The following TRAPPC9 variants were observed in gnomAD, a reference collection of about 807,000 sequenced individuals.
TRAPPC9 encodes trafficking protein particle complex subunit 9.
In TRAPPC9, 83 loss-of-function variants were observed where a neutral mutation model predicts 124.0. That is an observed-to-expected ratio of 0.67 (90% CI 0.56 to 0.80). TRAPPC9 has a LOEUF of 0.80. TRAPPC9 is among the 30% of genes least tolerant of loss of function. The pLI, the probability that TRAPPC9 is intolerant of heterozygous loss-of-function variation, is 0.00. For synonymous variants in TRAPPC9, 638 were observed against 617.5 expected, an observed-to-expected ratio of 1.03 and a Z score of -0.49; for missense variants, 1,302 against 1,508.3, an observed-to-expected ratio of 0.86 and a Z score of 2.27.
intron 5 of TRAPPC9, among the ~76,000 whole-genome samples, chr8:140,422,009 C>T (rs1353111695): frequency 3.8e-5 from 3 of 78,516 alleles, no homozygotes; most frequent in East Asian, 3.6e-4. Flanking sequence ...AAAAAAAAAA[C>T]GGGCAAGAAA....
intron 9 of TRAPPC9, among the ~76,000 whole-genome samples, chr8:140,316,955 T>C (rs2066458788): frequency 6.6e-6 from 1 of 152,232 alleles, no homozygotes; most frequent in Non-Finnish European, 1.5e-5. Flanking sequence ...TGGCAGATTG[T>C]ATGTGTCCAC....
At chr8:140,031,128 T>C (rs1216203392) in intron 17 of TRAPPC9, among the ~76,000 whole-genome samples, 1 of 152,162 alleles carries the variant, frequency 6.6e-6, no homozygotes, top group Non-Finnish European at 1.5e-5. Flanking sequence ...GGACCAGCCA[T>C]GTCTAAGAGC....
chr8:140,274,461 A>T (rs1330748942), intron 15 of TRAPPC9, among the ~76,000 whole-genome samples: 3 of 152,216 alleles, frequency 2.0e-5, no homozygotes, highest in African/African-American at 4.8e-5. Context: ...CAGGGCAGAC[A>T]CGGACCGGGA....
intron 17 of TRAPPC9, among the ~76,000 whole-genome samples, chr8:140,184,865 C>A (rs1186503366): frequency 6.6e-6 from 1 of 152,216 alleles, no homozygotes; most frequent in African/African-American, 2.4e-5. Context: ...CCTGCGCCCA[C>A]CACCCTCTCC....
At chr8:140,049,493 G>A (rs570345509) in intron 17 of TRAPPC9, among the ~76,000 whole-genome samples, 2 of 152,152 alleles carry the variant, frequency 1.3e-5, no homozygotes, top group East Asian at 3.9e-4. Context: ...CCGGCCCTCG[G>A]TGATGTGTTC....
chr8:139,854,462 G>A (rs1475673650), intron 21 of TRAPPC9, among the ~76,000 whole-genome samples: 1 of 152,196 alleles, frequency 6.6e-6, no homozygotes, highest in Non-Finnish European at 1.5e-5. Context: ...TGTGCCCTGG[G>A]GTCAGGGAGG....
chr8:140,145,212 C>T (rs2061443136), intron 17 of TRAPPC9, among the ~76,000 whole-genome samples: 1 of 152,044 alleles, frequency 6.6e-6, no homozygotes, highest in South Asian at 2.1e-4. Context: ...CATAGATTGT[C>T]TTGAATTTTC....
chr8:140,084,106 G>A (rs1844028587), intron 17 of TRAPPC9, among the ~76,000 whole-genome samples: 1 of 152,110 alleles, frequency 6.6e-6, no homozygotes, highest in Non-Finnish European at 1.5e-5. Context: ...CATGGAGTAG[G>A]CACTCAGAAA....
intron 19 of TRAPPC9, among the ~76,000 whole-genome samples, chr8:139,976,171 G>A (rs1384893063): frequency 6.6e-6 from 1 of 151,744 alleles, no homozygotes; most frequent in East Asian, 1.9e-4. Flanking sequence ...GATTACAGGC[G>A]TGAGCCACCG....
chr8:140,032,247 C>T (rs534725944), intron 17 of TRAPPC9, among the ~76,000 whole-genome samples: 28 of 152,330 alleles, frequency 1.8e-4, no homozygotes, highest in African/African-American at 6.0e-4. Flanking sequence ...ATAAAATGGT[C>T]GGTGCTGAGA....
At chr8:139,827,319 G>A (rs954344393) in intron 21 of TRAPPC9, among the ~76,000 whole-genome samples, 4 of 152,204 alleles carry the variant, frequency 2.6e-5, no homozygotes, top group African/African-American at 7.2e-5. Flanking sequence ...CATGCTAGAC[G>A]TCATTGCTAG....
At chr8:140,366,176 G>A (rs1340014799) in intron 8 of TRAPPC9, among the ~76,000 whole-genome samples, 2 of 152,108 alleles carry the variant, frequency 1.3e-5, no homozygotes, top group South Asian at 4.1e-4. Flanking sequence ...TCACTGATGG[G>A]CATTGAGGTT....
chr8:139,766,625 T>C (rs1820601123), intron 21 of TRAPPC9, among the ~76,000 whole-genome samples: 1 of 152,176 alleles, frequency 6.6e-6, no homozygotes, highest in African/African-American at 2.4e-5. Flanking sequence ...CTCCTCCTCA[T>C]TGATAACGAC....
chr8:140,287,529 T>C (rs2131737208), intron 13 of TRAPPC9, 79 bp downstream of exon 13: 1 of 1,578,284 alleles, frequency 6.3e-7, no homozygotes, highest in Admixed American at 1.7e-5. Context: ...TGACGGGCGA[T>C]CGGCTCTGGA....
intron 21 of TRAPPC9, among the ~76,000 whole-genome samples, chr8:139,882,917 A>T (rs1328500598): frequency 6.6e-6 from 1 of 152,214 alleles, no homozygotes; most frequent in Non-Finnish European, 1.5e-5. Context: ...ATGGAACCAA[A>T]CTACATTTCC....
At chr8:139,932,730 C>T (rs1000348796) in intron 19 of TRAPPC9, 145 of 358,952 alleles carry the variant, frequency 4.0e-4, no homozygotes, top group Admixed American at 5.6e-4. Flanking sequence ...TACCTCTGCA[C>T]TGCAGCCTGG....
chr8:139,736,349 T>C (rs1224419143), intron 21 of TRAPPC9, among the ~76,000 whole-genome samples: 1 of 152,200 alleles, frequency 6.6e-6, no homozygotes, highest in African/African-American at 2.4e-5. Context: ...TGGGTCACAT[T>C]ACCCCGAGGC....
At chr8:140,243,172 A>G (rs2063902859) in intron 16 of TRAPPC9, among the ~76,000 whole-genome samples, 1 of 152,218 alleles carries the variant, frequency 6.6e-6, no homozygotes, top group African/African-American at 2.4e-5. Context: ...ACTTTGATGC[A>G]GGTGGTCCAT....
At chr8:139,765,084 A>G (rs1227306783) in intron 21 of TRAPPC9, among the ~76,000 whole-genome samples, 2 of 152,206 alleles carry the variant, frequency 1.3e-5, no homozygotes, top group Non-Finnish European at 2.9e-5. Flanking sequence ...GGGTTCCTGC[A>G]TGAGGATCCA....
Sources: allele counts gnomAD v4.1 joint callset (sites outside exome capture counted in the v4.1 genomes callset), GRCh38; gene constraint gnomAD v4.1.1; transcripts MANE v1.5; gene names NCBI Gene and HGNC (gene_info 2026-07-23, HGNC 2026-07-21).